Variants in UTP15 observed in about 807,000 individuals in gnomAD.
UTP15 encodes UTP15 small subunit processome component, also known as U3 small nucleolar RNA-associated protein 15 homolog.
A neutral mutation model predicts 59.1 loss-of-function variants in UTP15; 5 were observed. That is an observed-to-expected ratio of 0.08 (90% CI 0.04 to 0.18). UTP15 has a LOEUF of 0.18. Among genes scored for constraint, UTP15 ranks in the 10% least tolerant of loss-of-function variants. The pLI, the probability that UTP15 is intolerant of heterozygous loss-of-function variation, is 1.00. For missense variants in UTP15, 494 were observed against 616.7 expected (o/e 0.80, Z 2.11); for synonymous variants, 211 against 212.2 (o/e 0.99, Z 0.05).
intron 1 of UTP15, 21 bp downstream of exon 1, chr5:73,565,933 T>C (rs1175131877): frequency 4.4e-6 from 2 of 455,536 alleles, no homozygotes; most frequent in East Asian, 7.0e-5. Context: ...GCGGCTCCCA[T>C]TGAGGGAAGC....
At chr5:73,572,866 C>T (rs542961655) in intron 7 of UTP15, among the ~76,000 whole-genome samples, 11 of 151,988 alleles carry the variant, frequency 7.2e-5, no homozygotes, top group Non-Finnish European at 1.3e-4. Context: ...GGTGCAATCT[C>T]GGCTCGCTGC....
At chr5:73,569,713 C>T in intron 5 of UTP15, 38 bp downstream of exon 5, 4 of 1,489,840 alleles carry the variant, frequency 2.7e-6, no homozygotes, top group Non-Finnish European at 3.6e-6. Flanking sequence ...CAAATAATCT[C>T]ACGGGGATGT....
At position 73,581,311 on chromosome 5, in the gene UTP15, G is replaced by C. The variant is rs984626465; in HGVS notation, c.*1217G>C. 1.3e-5 allele frequency: 2 copies of C among 152,038 alleles called. No individual in the cohort carries two copies. The highest frequency in any genetic ancestry group is 4.8e-5 in the African/African-American group (2 of 41,396). The allele number at this position is 152,038 out of a possible 1,614,324, so 9.4% of individuals were successfully genotyped here. ...AGTGATCTACCTGCCTCTGCCTCCC[G>C]AAGTGCTTGGATTACAGGTGTGAGC... On this transcript the variant is annotated 3_prime_UTR_variant, in exon 13 of 13. Coordinates refer to ENST00000296792, the MANE Select transcript of UTP15 (RefSeq NM_032175.4).
At chr5:73,575,852 G>A (rs189929254) in intron 7 of UTP15, among the ~76,000 whole-genome samples, 2 of 151,552 alleles carry the variant, frequency 1.3e-5, no homozygotes, top group East Asian at 3.9e-4. Flanking sequence ...CTCCCAAGTA[G>A]CCGAGATTAC....
intron 7 of UTP15, among the ~76,000 whole-genome samples, chr5:73,575,732 T>C (rs943965748): frequency 6.6e-6 from 1 of 151,454 alleles, no homozygotes; most frequent in Non-Finnish European, 1.5e-5. Flanking sequence ...TTTTCTTTTT[T>C]TTTTTTTAAG....
At chr5:73,571,200 T>G (rs550424113) in intron 6 of UTP15, among the ~76,000 whole-genome samples, 29 of 151,540 alleles carry the variant, frequency 1.9e-4, no homozygotes, top group Non-Finnish European at 3.5e-4. Context: ...GAAATTTAGC[T>G]CATACTCCTT....
chr5:73,569,348 T>C (rs1747869387), intron 4 of UTP15, 149 bp from the exon 5 acceptor site: 3 of 535,970 alleles, frequency 5.6e-6, no homozygotes, highest in Non-Finnish European at 9.3e-6. Flanking sequence ...ACTTGTAAGT[T>C]TTCTCTTTCT....
In UTP15 at chr5:73,582,333, G is replaced by GCAATTCC. The variant is rs1391570375; in HGVS notation, c.*2242_*2248dup. On this transcript the variant is annotated 3_prime_UTR_variant, in exon 13 of 13. Coordinates refer to ENST00000296792, the MANE Select transcript of UTP15 (RefSeq NM_032175.4). ...ACACATTTTTCAAACAGGTTAGGAA[G>GCAATTCC]CAATTCCCATAGCCATCAATACTTA... 3 of 152,174 alleles carry GCAATTCC rather than the reference G, an allele frequency of 2.0e-5. No individual in the cohort carries two copies. The highest frequency in any genetic ancestry group is 4.4e-5 in the Non-Finnish European group (3 of 68,022). The allele number at this position is 152,174 out of a possible 1,614,324, so 9.4% of individuals were successfully genotyped here.
rs140201746 is a variant in UTP15, at chr5:73,577,877, G to A, written c.916G>A (p.Val306Ile). The change falls in exon 9 of 13, where the codon GTA becomes ATA. Residue 306 changes from valine (V) to isoleucine (I), a missense_variant. Transcript: ENST00000296792. ...ALAHEDETIV[V>I]GMTNGILSVK... ...TTAGCATGAAGATGAGACAATAGTT[G>A]TAGGAATGACCAATGGAATACTGAG... is the stretch of plus-strand genomic sequence containing the variant. 39 of 1,591,972 alleles carry A rather than the reference G, an allele frequency of 2.4e-5. No homozygotes were observed. In the African/African-American group the frequency reaches 4.7e-4, roughly 19 times the overall value.
chr5:73,568,165 GA>G (rs1455639319), intron 2 of UTP15, 69 bp from the exon 3 acceptor site: 2 of 1,155,908 alleles, frequency 1.7e-6, no homozygotes, highest in Non-Finnish European at 1.2e-6. Context: ...CGGTCTGTAA[GA>G]AATTATGTAA....
intron 7 of UTP15, 71 bp from the exon 8 acceptor site, chr5:73,576,881 C>T (rs1748114830): frequency 1.9e-6 from 2 of 1,066,238 alleles, no homozygotes; most frequent in African/African-American, 1.6e-5. Context: ...ATTTTGTTTT[C>T]AGAAAATAGA....
Position 73,565,821 on chromosome 5 carries a change from C to T in UTP15, c.-175C>T, listed in dbSNP as rs1196100555. The T allele has an allele frequency of 6.6e-6, 3 of 456,194 alleles. No homozygotes were observed. The highest frequency in any genetic ancestry group is 1.3e-5 in the Non-Finnish European group (3 of 226,974). The allele number at this position is 456,194 out of a possible 1,614,324, so 28.3% of individuals were successfully genotyped here. A position where few individuals can be genotyped will look rare whatever the true frequency, so the allele number is the denominator to read the frequency against. Reference sequence around the variant, plus strand: ...GGTCCATGTGATTTTTACGCCAGTGCTGCTGAACTGTGCAGGGTAGGGAGC... The same window carrying T: ...GGTCCATGTGATTTTTACGCCAGTGTTGCTGAACTGTGCAGGGTAGGGAGC... On this transcript the variant is annotated 5_prime_UTR_variant, in exon 1 of 13. Coordinates refer to ENST00000296792, the MANE Select transcript of UTP15 (RefSeq NM_032175.4).
At chr5:73,577,829 C>A in intron 8 of UTP15, 27 bp from the exon 9 acceptor site, 1 of 1,562,574 alleles carries the variant, frequency 6.4e-7, no homozygotes, top group Non-Finnish European at 8.6e-7. Context: ...TAAGAATAGA[C>A]TAACTTATTT....
chr5:73,570,311 T>C (rs1011026527), intron 5 of UTP15, among the ~76,000 whole-genome samples: 21 of 152,232 alleles, frequency 1.4e-4, no homozygotes, highest in African/African-American at 5.1e-4. Context: ...TGGGTGCCTT[T>C]ACAAAGATTT....
rs761103496 is a variant in UTP15, at chr5:73,579,096, C to G, written c.1226C>G (p.Ala409Gly). Residue 409 changes from alanine (A) to glycine (G), a missense_variant, in exon 11 of 13, where the codon GCG (alanine) becomes GGG (glycine). Ala to Gly is a moderately conservative substitution (Grantham distance 60, BLOSUM62 0). Transcript: ENST00000296792. ...ELNRRGVLAN[A>G]LAGRDEKEIS... ...AATCGAAGAGGAGTCCTTGCAAATG[C>G]GCTTGCAGGTCGGGATGAGAAGGAA... 2 of 1,613,890 alleles carry G rather than the reference C, an allele frequency of 1.2e-6. No individual in the cohort carries two copies. The highest frequency in any genetic ancestry group is 2.2e-5 in the South Asian group (2 of 91,074).
intron 4 of UTP15, among the ~76,000 whole-genome samples, chr5:73,568,892 G>A (rs990943392): frequency 2.6e-5 from 4 of 152,208 alleles, no homozygotes; most frequent in Admixed American, 6.5e-5. Context: ...GCCCAGCTGA[G>A]ATTATGAATT....
chr5:73,578,500 C>T, intron 9 of UTP15: 1 of 407,898 alleles, frequency 2.5e-6, no homozygotes, highest in Non-Finnish European at 4.4e-6. Context: ...AGAATTAAGG[C>T]AATGGTGCAT....
chr5:73,578,651 A>C, intron 9 of UTP15, 100 bp from the exon 10 acceptor site: 1 of 959,272 alleles, frequency 1.0e-6, no homozygotes, highest in Non-Finnish European at 1.6e-6. Flanking sequence ...TATTTGTGAC[A>C]TAGTTCAGAG....
At chr5:73,573,317 G>A (rs1730189243) in intron 7 of UTP15, among the ~76,000 whole-genome samples, 1 of 149,324 alleles carries the variant, frequency 6.7e-6, no homozygotes, top group South Asian at 2.1e-4. Flanking sequence ...GCACAATCTG[G>A]GCTTACTGCA....
Sources: gnomAD v4.1 joint callset for allele counts (sites outside exome capture counted in the v4.1 genomes callset) on GRCh38, gnomAD v4.1.1 for gene constraint, MANE v1.5 for transcripts, NCBI Gene and HGNC (gene_info 2026-07-23, HGNC 2026-07-21) for gene names.